The following RUNX3 variants were observed in gnomAD, a reference collection of about 807,000 sequenced individuals.
RUNX3 encodes runt-related transcription factor 3.
Under a neutral mutation model 27.7 loss-of-function variants are expected in RUNX3, and 10 were observed. That is an observed-to-expected ratio of 0.36 (90% confidence interval 0.22 to 0.61). The LOEUF (loss-of-function observed/expected upper bound fraction) is 0.61, where lower values mean the gene tolerates loss of function less well. Among genes scored for constraint, RUNX3 ranks in the 20% least tolerant of loss-of-function variants. The probability of loss-of-function intolerance (pLI) is 0.72; values close to 1 mark genes in which losing one functional copy is unlikely to be tolerated. For synonymous variants in RUNX3, 270 were observed against 269.2 expected, an observed-to-expected ratio of 1.00 and a Z score of -0.03; for missense variants, 469 against 629.5, an observed-to-expected ratio of 0.75 and a Z score of 2.73.
chr1:24,924,383 A>C (rs895263683), intron 2 of RUNX3, among the ~76,000 whole-genome samples: 1 of 152,222 alleles, frequency 6.6e-6, no homozygotes, highest in Admixed American at 6.5e-5. Flanking sequence ...AAGAAAAAAA[A>C]ATTATCTGAG....
At chr1:24,906,020 A>G (rs558444394) in intron 4 of RUNX3, among the ~76,000 whole-genome samples, 4 of 152,362 alleles carry the variant, frequency 2.6e-5, no homozygotes, top group South Asian at 4.1e-4. Context: ...GACCAAGGCC[A>G]AAAGTCCTGA....
chr1:24,947,941 C>T (rs1048514830), intron 2 of RUNX3, among the ~76,000 whole-genome samples: 6 of 152,212 alleles, frequency 3.9e-5, no homozygotes, highest in African/African-American at 1.2e-4. Flanking sequence ...ACCTTTCTTC[C>T]TGGGGTGACC....
In RUNX3 at chr1:24,929,822, G is replaced by A; in HGVS notation, c.47C>T (p.Pro16Leu). The A allele has an allele frequency of 7.1e-7, 1 of 1,405,118 alleles. No individual in the cohort carries two copies. Among genetic ancestry groups the A allele is most frequent in the Non-Finnish European group, 9.2e-7 (1 of 1,090,128 alleles). 87.0% of individuals were successfully genotyped at this position (1,405,118 alleles called of 1,614,324 possible). A position where few individuals can be genotyped will look rare whatever the true frequency, so the allele number is the denominator to read the frequency against. The change falls in exon 1 of 5, where the codon CCC becomes CTC. Residue 16 changes from proline (P) to leucine (L), a missense_variant. Around this residue, in one of 3 missense-constraint regions of RUNX3, gnomAD observed 115 missense variants for 118.0 expected, o/e 0.97. Transcript: ENST00000308873. The stretch of plus-strand genomic sequence containing the variant: ...GCCGCCGCAGGGGAAGGCCGGGGAG[G>A]GAGGTGTGAAGCGGCGGCTGGTGCT... ...DPSTSRRFTP[P>L]SPAFPCGGGG...
intron 3 of RUNX3, among the ~76,000 whole-genome samples, chr1:24,908,024 G>A (rs72874394): frequency 0.58 from 77,767 of 134,384 alleles, 24,100 homozygotes; most frequent in African/African-American, 0.87. Context: ...GCGGTGATCC[G>A]AACCTCAACC....
At chr1:24,956,103 C>T (rs1292149005) in intron 2 of RUNX3, among the ~76,000 whole-genome samples, 2 of 152,228 alleles carry the variant, frequency 1.3e-5, no homozygotes, top group Non-Finnish European at 2.9e-5. Flanking sequence ...CCCGACAGGG[C>T]AGAGCCAAGG....
intron 2 of RUNX3, among the ~76,000 whole-genome samples, chr1:24,944,217 C>T (rs1641548872): frequency 6.6e-6 from 1 of 152,112 alleles, no homozygotes; most frequent in Non-Finnish European, 1.5e-5. Context: ...ACATGACCTG[C>T]CACCCTCCAC....
intron 2 of RUNX3, among the ~76,000 whole-genome samples, chr1:24,937,773 A>T (rs1641382755): frequency 6.6e-6 from 1 of 152,250 alleles, no homozygotes; most frequent in Non-Finnish European, 1.5e-5. Context: ...GGGCCTGGGC[A>T]ACAGTGGACC....
intron 2 of RUNX3, among the ~76,000 whole-genome samples, chr1:24,936,197 T>C (rs1571333767): frequency 6.6e-6 from 1 of 152,248 alleles, no homozygotes; most frequent in Non-Finnish European, 1.5e-5. Context: ...GAAAGGGCTC[T>C]TCTGAGTGGC....
At chr1:24,939,839 G>T (rs936068711) in intron 2 of RUNX3, among the ~76,000 whole-genome samples, 1 of 152,232 alleles carries the variant, frequency 6.6e-6, no homozygotes, top group Non-Finnish European at 1.5e-5. Flanking sequence ...GGTGCCCCAC[G>T]GCAGCATGGG....
At chr1:24,934,907 A>G (rs1641313627), upstream of RUNX3, among the ~76,000 whole-genome samples, 1 of 152,120 alleles carries the variant, frequency 6.6e-6, no homozygotes. Flanking sequence ...AACTCTTCAA[A>G]TCTGCAGGGA....
At chr1:24,921,598 C>G (rs1284571148) in intron 2 of RUNX3, among the ~76,000 whole-genome samples, 3 of 152,248 alleles carry the variant, frequency 2.0e-5, no homozygotes, top group Admixed American at 6.5e-5. Context: ...AAGTGCCAGG[C>G]AGATGCCTCG....
chr1:24,927,829 G>T lies in RUNX3; in HGVS notation c.283-99C>A. The T allele has an allele frequency of 1.0e-6, 1 of 1,001,726 alleles. No individual in the cohort carries two copies. The highest frequency in any genetic ancestry group is 1.6e-6 in the Non-Finnish European group (1 of 640,358). 62.1% of individuals were successfully genotyped at this position (1,001,726 alleles called of 1,614,324 possible). On this transcript the variant is annotated intron_variant, in intron 1 of 4. Transcript: ENST00000308873. The surrounding 1 kb of genome is among the most constrained non-coding windows in gnomAD (Gnocchi z 5.0). ...GGGCTGGGCTGGGCAGCTCCCCCAG[G>T]TCCCAGGCACACTGAGTATTTCTCC...
At chr1:24,938,841 C>A (rs1362488782) in intron 2 of RUNX3, among the ~76,000 whole-genome samples, 1 of 152,136 alleles carries the variant, frequency 6.6e-6, no homozygotes, top group Admixed American at 6.6e-5. Flanking sequence ...CAGGACCTCA[C>A]CAGATGCGGA....
At chr1:24,930,786 C>T (rs578169686), upstream of RUNX3, among the ~76,000 whole-genome samples, 11 of 152,346 alleles carry the variant, frequency 7.2e-5, no homozygotes, top group Non-Finnish European at 1.0e-4. The surrounding 1 kb of genome is among the most constrained non-coding windows in gnomAD (Gnocchi z 4.1). Flanking sequence ...TATTCTGACC[C>T]AAGAGCCTCC....
In RUNX3 at chr1:24,930,040, C is replaced by G; in HGVS notation, c.-172G>C. ...CGCCCGGCCACTACTCGCCAGGGCCCGCCCGCTGCGAGGCCTCGCTGGCCC... is the reference window on the plus strand; with the variant it reads ...CGCCCGGCCACTACTCGCCAGGGCCGGCCCGCTGCGAGGCCTCGCTGGCCC... On this transcript the variant is annotated 5_prime_UTR_variant, in exon 1 of 5. Coordinates refer to ENST00000308873, the MANE Select transcript of RUNX3 (RefSeq NM_004350.3). The surrounding 1 kb of genome is among the most constrained non-coding windows in gnomAD (Gnocchi z 4.1). 5 of 981,196 alleles carry G rather than the reference C, an allele frequency of 5.1e-6. No homozygotes were observed. Among genetic ancestry groups the G allele is most frequent in the Non-Finnish European group, 6.0e-6 (5 of 828,282 alleles). The allele number at this position is 981,196 out of a possible 1,614,324, so 60.8% of individuals were successfully genotyped here. A position where few individuals can be genotyped will look rare whatever the true frequency, so the allele number is the denominator to read the frequency against.
In RUNX3 at chr1:24,902,642, G is replaced by A; in HGVS notation, c.728C>T (p.Ser243Phe). The change falls in exon 5 of 5, where the codon TCC (serine) becomes TTC (phenylalanine). Residue 243 changes from serine (S) to phenylalanine (F), a missense_variant. By Grantham distance (155) the Ser-to-Phe change is radical. Transcript: ENST00000308873. This position sits in a 1 kb window ranked among gnomAD's most constrained non-coding sequence, Gnocchi z 9.2. The stretch of plus-strand genomic sequence containing the variant: ...GGAGCGGTCAAACTGGCGGGGGTCG[G>A]AGAATGGGTTCAGTTCCGAGGTGCC... ...IQGTSELNPF[S>F]DPRQFDRSFP... 1 of 1,527,520 alleles carries A rather than the reference G, an allele frequency of 6.5e-7. No individual in the cohort carries two copies. 94.6% of individuals were successfully genotyped at this position (1,527,520 alleles called of 1,614,324 possible).
At chr1:24,913,190 C>G (rs547266720) in intron 3 of RUNX3, among the ~76,000 whole-genome samples, 1 of 152,242 alleles carries the variant, frequency 6.6e-6, no homozygotes, top group Non-Finnish European at 1.5e-5. Context: ...GGGAAAGCCC[C>G]GCGTTGGCCC....
intron 3 of RUNX3, among the ~76,000 whole-genome samples, chr1:24,908,434 C>G (rs932053788): frequency 6.6e-6 from 1 of 151,980 alleles, no homozygotes; most frequent in Non-Finnish European, 1.5e-5. Flanking sequence ...ATCAGTTGAA[C>G]CCAGGAGTTT....
chr1:24,917,804 C>T (rs1177530454), intron 3 of RUNX3, among the ~76,000 whole-genome samples: 1 of 152,188 alleles, frequency 6.6e-6, no homozygotes, highest in East Asian at 1.9e-4. Flanking sequence ...CTCTCTACAC[C>T]ATGGTGGTCT....
Sources: gnomAD v4.1 joint callset for allele counts (sites outside exome capture counted in the v4.1 genomes callset) on GRCh38, gnomAD v4.1.1 for gene constraint, gnomAD v4.1.1 regional missense constraint, Gnocchi (gnomAD v3.1) non-coding constraint, MANE v1.5 for transcripts, NCBI Gene and HGNC (gene_info 2026-07-23, HGNC 2026-07-21) for gene names.